UTRN: variants seen among roughly 807,000 people sequenced by gnomAD.
The protein encoded by UTRN is dystrophin-related protein 1.
A neutral mutation model predicts 463.9 loss-of-function variants in UTRN; 283 were observed. The ratio of observed to expected loss-of-function variants is 0.61; its 90% confidence interval spans 0.55 to 0.67. The LOEUF is 0.67. Ranked by LOEUF, UTRN falls within the 30% of genes least tolerant of loss-of-function variation. The pLI, the probability that UTRN is intolerant of heterozygous loss-of-function variation, is 0.00. For synonymous variants in UTRN, 1,442 were observed against 1,431.5 expected (o/e 1.01, Z -0.17); for missense variants, 3,922 against 4,084.3 (o/e 0.96, Z 1.08).
chr6:144,451,378 C>T lies in UTRN; in HGVS notation c.2081C>T (p.Ala694Val). Residue 694 changes from alanine (A) to valine (V), a missense_variant, in exon 18 of 75, where the codon GCT becomes GTT. Coordinates refer to ENST00000367545, the MANE Select transcript of UTRN (RefSeq NM_007124.3). Reference sequence around the variant, plus strand: ...TCTGAATCTTCAAACAGGTTTGATGCTATAAGTGCAGAGCTGTTGAACTGG... The same window carrying T: ...TCTGAATCTTCAAACAGGTTTGATGTTATAAGTGCAGAGCTGTTGAACTGG... ...VDIEAKKKFD[A>V]ISAELLNWIL... 2 of 1,611,990 alleles carry T rather than the reference C, an allele frequency of 1.2e-6. No homozygotes were observed. Among genetic ancestry groups the T allele is most frequent in the Non-Finnish European group, 1.7e-6 (2 of 1,179,204 alleles).
chr6:144,342,900 G>A (rs1023189560), intron 2 of UTRN, among the ~76,000 whole-genome samples: 8 of 152,030 alleles, frequency 5.3e-5, no homozygotes, highest in Admixed American at 5.2e-4. Context: ...TGCTTTTCCC[G>A]GTCTCCCTCC....
chr6:144,408,933 A>G (rs893930896), intron 3 of UTRN, among the ~76,000 whole-genome samples: 3 of 152,218 alleles, frequency 2.0e-5, no homozygotes, highest in African/African-American at 4.8e-5. Context: ...TCCCATCTAT[A>G]GTAGAGGCTT....
chr6:144,661,641 C>G (rs910273700), intron 51 of UTRN, among the ~76,000 whole-genome samples: 1 of 152,062 alleles, frequency 6.6e-6, no homozygotes, highest in Non-Finnish European at 1.5e-5. Context: ...GGTCTGTTAG[C>G]TTGTTTTGTA....
chr6:144,303,053 G>C (rs1054615483), intron 2 of UTRN, among the ~76,000 whole-genome samples: 3 of 152,194 alleles, frequency 2.0e-5, no homozygotes, highest in East Asian at 3.8e-4. Context: ...CTGTTTTTCA[G>C]AAAGATAACT....
intron 2 of UTRN, among the ~76,000 whole-genome samples, chr6:144,292,274 A>G (rs1168620913): frequency 1.3e-5 from 2 of 152,238 alleles, no homozygotes; most frequent in Non-Finnish European, 2.9e-5. Context: ...GGCAGGAAAG[A>G]TCTTTCACAG....
intron 4 of UTRN, 67 bp from the exon 5 acceptor site, chr6:144,423,481 AG>A: frequency 6.8e-7 from 1 of 1,478,524 alleles, no homozygotes; most frequent in South Asian, 1.1e-5. Context: ...TGTGTATCTC[AG>A]TGCTAGTGTT....
At chr6:144,468,493 AT>A (rs5880593) in intron 23 of UTRN, among the ~76,000 whole-genome samples, 13,826 of 150,730 alleles carry the variant, frequency 0.092, 801 homozygotes, top group African/African-American at 0.17. Flanking sequence ...TACTTAGTTT[AT>A]TTTTTTTTGC....
chr6:144,491,547 T>C (rs1793077413), intron 32 of UTRN, among the ~76,000 whole-genome samples: 1 of 152,022 alleles, frequency 6.6e-6, no homozygotes, highest in Admixed American at 6.5e-5. Flanking sequence ...AAAGAAGAAA[T>C]GATATATAAG....
At chr6:144,828,695 G>T (rs1256297650) in intron 68 of UTRN, 95 bp from the exon 69 acceptor site, 2 of 1,246,740 alleles carry the variant, frequency 1.6e-6, no homozygotes, top group East Asian at 2.4e-5. Context: ...TGTTTTGTCA[G>T]AATTTTGACA....
rs1240678609 is a variant in UTRN, at chr6:144,437,603, G to A, written c.1098G>A (p.Val366=). The A allele has an allele frequency of 4.3e-6, 7 of 1,613,694 alleles. No individual in the cohort carries two copies. The Admixed American group carries it at 6.7e-5, about 15-fold the overall frequency. Residue 366 remains valine (V), a synonymous_variant, in exon 11 of 75, where the codon GTG becomes GTA. Coordinates refer to ENST00000367545, the MANE Select transcript of UTRN (RefSeq NM_007124.3). ...MMELTAHQSS[V]GSVLQAGNQL... is the part of the protein sequence containing the mutation. ...AACTGACTGCACACCAGAGCAGTGT[G>A]GGCAGCGTCCTGCAGGCAGGCAACC...
intron 51 of UTRN, among the ~76,000 whole-genome samples, chr6:144,603,013 A>T (rs1804426424): frequency 6.6e-6 from 1 of 152,314 alleles, no homozygotes; most frequent in Admixed American, 6.5e-5. Flanking sequence ...TCTCTGAGAT[A>T]CGCCTGTATG....
chr6:144,792,082 G>GA (rs1174820795), intron 62 of UTRN, among the ~76,000 whole-genome samples: 1 of 152,084 alleles, frequency 6.6e-6, no homozygotes, highest in Non-Finnish European at 1.5e-5. Context: ...AAATCTAAGT[G>GA]AAAAAATTAT....
At chr6:144,568,761 G>C (rs1390049680) in intron 50 of UTRN, among the ~76,000 whole-genome samples, 2 of 152,090 alleles carry the variant, frequency 1.3e-5, no homozygotes, top group Admixed American at 1.3e-4. Flanking sequence ...GGATTATGTA[G>C]TTTTAAAAGG....
chr6:144,696,945 T>C (rs1784069699), intron 52 of UTRN, among the ~76,000 whole-genome samples: 6 of 152,192 alleles, frequency 3.9e-5, no homozygotes. Flanking sequence ...TTAAAACAGA[T>C]ACTGGTTTGT....
At chr6:144,488,568 C>A in intron 29 of UTRN, 105 bp from the exon 30 acceptor site, 1 of 1,104,836 alleles carries the variant, frequency 9.1e-7, no homozygotes. Context: ...AAGCTAAAGT[C>A]TTGGATGAAA....
chr6:144,813,714 C>A (rs4895654), intron 65 of UTRN, among the ~76,000 whole-genome samples: 1 of 152,048 alleles, frequency 6.6e-6, no homozygotes, highest in African/African-American at 2.4e-5. Flanking sequence ...AGAGGAAAGA[C>A]AAGGAAGTGA....
rs71503181 is a variant in UTRN, at chr6:144,470,127, G to A, written c.3067-3593G>A. 5.3e-3 allele frequency among the ~76,000 whole-genome samples: 800 copies of A among 152,264 alleles called. 8 individuals are homozygous for A. The highest frequency in any genetic ancestry group is 0.019 in the African/African-American group (770 of 41,538). On this transcript the variant is annotated intron_variant, in intron 23 of 74. Coordinates refer to ENST00000367545, the MANE Select transcript of UTRN (RefSeq NM_007124.3). ...TTCCACACAAACACAGCAACAATCC[G>A]ATCTCTCCTTCTTTTCCCCACACTT...
At position 144,820,986 on chromosome 6, in the gene UTRN, C is replaced by T. The variant is rs1340629985; in HGVS notation, c.9462C>T (p.Val3154=). Residue 3154 remains valine, a synonymous_variant, in exon 66 of 75, where the codon GTC becomes GTT. Transcript: ENST00000367545. ...ACCCTCGACTTGGTTACCTGCCTGTCCAGACAGTTCTTGAAGGTGACAACT... is the reference window on the plus strand; with the variant it reads ...ACCCTCGACTTGGTTACCTGCCTGTTCAGACAGTTCTTGAAGGTGACAACT... ...AKHPRLGYLP[V]QTVLEGDNLE... 6.2e-7 allele frequency: 1 copy of T among 1,613,762 alleles called. No homozygotes were observed. The highest frequency in any genetic ancestry group is 1.7e-5 in the Admixed American group (1 of 59,994).
chr6:144,342,289 G>A (rs1777194044), intron 2 of UTRN, among the ~76,000 whole-genome samples: 1 of 151,250 alleles, frequency 6.6e-6, no homozygotes, highest in Non-Finnish European at 1.5e-5. Flanking sequence ...TCTTCCAAAG[G>A]TTAAGCATAG....
Sources: gnomAD v4.1 joint callset for allele counts (sites outside exome capture counted in the v4.1 genomes callset) on GRCh38, gnomAD v4.1.1 for gene constraint, MANE v1.5 for transcripts, NCBI Gene and HGNC (gene_info 2026-07-23, HGNC 2026-07-21) for gene names.